SYTL2: variants seen among roughly 807,000 people sequenced by gnomAD.
The protein encoded by SYTL2 is synaptotagmin like 2.
Under a neutral mutation model 198.7 loss-of-function variants are expected in SYTL2, and 165 were observed. That is an observed-to-expected ratio of 0.83 (90% CI 0.73 to 0.94). The LOEUF (loss-of-function observed/expected upper bound fraction) is 0.94, where lower values mean the gene tolerates loss of function less well. Among genes scored for constraint, SYTL2 ranks in the 40% least tolerant of loss-of-function variants. SYTL2 has a pLI of 0.00. For missense variants in SYTL2, 2,835 were observed against 2,582.8 expected (o/e 1.10, Z -2.12); for synonymous variants, 966 against 917.7 (o/e 1.05, Z -0.95).
chr11:85,846,932 CT>C, the SYTL2 span, among the ~76,000 whole-genome samples: 3 of 152,042 alleles, frequency 2.0e-5, no homozygotes, highest in African/African-American at 7.2e-5. Flanking sequence ...TGGGGTGTCA[CT>C]ATGTTGGTCA....
At chr11:85,768,063 C>A (rs2092280890) in intron 1 of SYTL2, among the ~76,000 whole-genome samples, 1 of 152,176 alleles carries the variant, frequency 6.6e-6, no homozygotes, top group Non-Finnish European at 1.5e-5. Flanking sequence ...TACAAGTGAG[C>A]ATCAGCACTT....
chr11:85,780,896 T>C (rs758185235), intron 1 of SYTL2, among the ~76,000 whole-genome samples: 15 of 152,236 alleles, frequency 9.9e-5, no homozygotes, highest in Non-Finnish European at 2.1e-4. Context: ...TGAGATCTGA[T>C]GCTATCTTCA....
At chr11:85,839,835 T>G in the SYTL2 span, among the ~76,000 whole-genome samples, 1 of 152,170 alleles carries the variant, frequency 6.6e-6, no homozygotes, top group African/African-American at 2.4e-5. Context: ...GTAGCTCTAT[T>G]TTTAGCTTTT....
intron 10 of SYTL2, 85 bp from the exon 11 acceptor site, chr11:85,717,615 T>A (rs1316849377): frequency 2.7e-6 from 3 of 1,124,258 alleles, no homozygotes; most frequent in Non-Finnish European, 4.1e-6. Flanking sequence ...AATGTCAGTT[T>A]CACAACTGAG....
In SYTL2 at chr11:85,749,565, C is replaced by G. The variant is rs545177867; in HGVS notation, c.102-1142G>C. Among the ~76,000 whole-genome samples, 17 of 152,274 alleles carry G rather than the reference C, an allele frequency of 1.1e-4. No homozygotes were observed. The South Asian group carries it at 3.5e-3, about 32-fold the overall frequency. On this transcript the variant is annotated intron_variant, in intron 2 of 19. Coordinates refer to ENST00000359152, the MANE Select transcript of SYTL2 (RefSeq NM_206927.4). ...GAATGTCTCCTCTCTCCCAAGCGTG[C>G]CTGGAGAGTGTCCTTCCACCCAGAG...
intron 1 of SYTL2, among the ~76,000 whole-genome samples, chr11:85,775,852 A>T (rs1401731318): frequency 6.6e-6 from 1 of 152,230 alleles, no homozygotes; most frequent in Admixed American, 6.5e-5. Context: ...ACAGGTGTTA[A>T]GTGACAGAGC....
intron 1 of SYTL2, 124 bp downstream of exon 1, chr11:85,810,829 GA>G (rs1171225304): frequency 6.6e-6 from 1 of 152,228 alleles, no homozygotes; most frequent in African/African-American, 2.4e-5. Context: ...TTAGACTAAG[GA>G]ACAACATTCT....
chr11:85,727,884 G>A lies in SYTL2; in HGVS notation c.1474C>T (p.Pro492Ser), dbSNP rs1376158189. 1.5e-5 allele frequency: 24 copies of A among 1,613,812 alleles called. No homozygotes were observed. The highest frequency in any genetic ancestry group is 2.0e-5 in the Non-Finnish European group (24 of 1,179,896). The change falls in exon 8 of 20, where the codon CCT becomes TCT. Residue 492 changes from proline to serine, a missense_variant. Around this residue, in one of 3 missense-constraint regions of SYTL2, gnomAD observed 2,645 missense variants for 2,381.7 expected, o/e 1.11. Coordinates refer to ENST00000359152, the MANE Select transcript of SYTL2 (RefSeq NM_206927.4). ...SRDRQQGKPPPLPALKAKTSS... is the reference protein window; with the variant it reads ...SRDRQQGKPPSLPALKAKTSS... Reference sequence around the variant, plus strand: ...GTCTTAGCTTTTAGAGCCGGGAGAGGAGGGGGCTTACCTTGCTGACGGTCT... The same window carrying A: ...GTCTTAGCTTTTAGAGCCGGGAGAGAAGGGGGCTTACCTTGCTGACGGTCT...
At chr11:85,796,206 T>G (rs1373190060) in intron 1 of SYTL2, among the ~76,000 whole-genome samples, 1 of 152,192 alleles carries the variant, frequency 6.6e-6, no homozygotes, top group Non-Finnish European at 1.5e-5. Flanking sequence ...GGGCAAATAT[T>G]TAACTTCTCC....
At position 85,695,343 on chromosome 11, in the gene SYTL2, G is replaced by GA; in HGVS notation, c.6575-4dup. The GA allele has an allele frequency of 6.5e-7, 1 of 1,539,650 alleles. No individual in the cohort carries two copies. The highest frequency in any genetic ancestry group is 8.8e-7 in the Non-Finnish European group (1 of 1,140,520). ...CACTTCAGTCCCATAACTTTTACCT[G>GA]AAAAAAGGAAGCTTTGCATTTAGAA... is the stretch of plus-strand genomic sequence containing the variant. On this transcript the variant is annotated splice_region_variant and splice_polypyrimidine_tract_variant and intron_variant, in intron 19 of 19. Transcript: ENST00000359152.
chr11:85,784,313 C>T lies in SYTL2; in HGVS notation c.-389-26199G>A, dbSNP rs554387724. On this transcript the variant is annotated intron_variant, in intron 1 of 19. Coordinates refer to ENST00000359152, the MANE Select transcript of SYTL2 (RefSeq NM_206927.4). ...AGCTTTCTAGGCTATGAACCACTAA[C>T]GCCTCAAATTCCTTCTGCTGTATTC... Among the ~76,000 whole-genome samples the T allele has an allele frequency of 7.9e-5, 12 of 151,986 alleles. No individual in the cohort carries two copies. In the South Asian group the frequency reaches 1.0e-3, roughly 13 times the overall value.
the SYTL2 span, among the ~76,000 whole-genome samples, chr11:85,819,070 ACAGT>A: frequency 6.6e-6 from 1 of 152,168 alleles, no homozygotes; most frequent in East Asian, 1.9e-4. Context: ...GATTTTTAAG[ACAGT>A]CACTCTCTGA....
At chr11:85,705,167 G>T in intron 15 of SYTL2, 139 bp from the exon 16 acceptor site, 1 of 569,800 alleles carries the variant, frequency 1.8e-6, no homozygotes, top group Non-Finnish European at 3.0e-6. Context: ...ATATTGCAAA[G>T]TCATCTTATT....
intron 2 of SYTL2, among the ~76,000 whole-genome samples, chr11:85,749,687 C>G (rs1321355685): frequency 6.6e-6 from 1 of 152,164 alleles, no homozygotes; most frequent in East Asian, 1.9e-4. Context: ...CAGTCAGCAA[C>G]GATATCATGG....
intron 2 of SYTL2, among the ~76,000 whole-genome samples, chr11:85,755,352 T>C (rs1281376763): frequency 5.3e-5 from 8 of 152,196 alleles, no homozygotes; most frequent in African/African-American, 1.9e-4. Flanking sequence ...ATGAGGTACA[T>C]GGTGCCTAAC....
At chr11:85,695,371 A>C in intron 19 of SYTL2, 31 bp from the exon 20 acceptor site, 1 of 1,532,712 alleles carries the variant, frequency 6.5e-7, no homozygotes, top group South Asian at 1.3e-5. Context: ...ATTTAGAAAG[A>C]AACAGCTCAT....
chr11:85,828,984 G>A, the SYTL2 span, among the ~76,000 whole-genome samples: 38 of 151,924 alleles, frequency 2.5e-4, no homozygotes, highest in Admixed American at 4.6e-4. Flanking sequence ...AGTGGTGCTT[G>A]GGAAGCCACC....
At chr11:85,836,141 C>T in the SYTL2 span, among the ~76,000 whole-genome samples, 1 of 152,182 alleles carries the variant, frequency 6.6e-6, no homozygotes, top group Non-Finnish European at 1.5e-5. Context: ...CCCTGCACCT[C>T]ACTTATCTTC....
At chr11:85,759,827 A>T (rs1191982458) in intron 1 of SYTL2, among the ~76,000 whole-genome samples, 1 of 152,284 alleles carries the variant, frequency 6.6e-6, no homozygotes, top group East Asian at 1.9e-4. Flanking sequence ...GTTCATCTTG[A>T]AAACTACTTA....
Sources: allele counts gnomAD v4.1 joint callset (sites outside exome capture counted in the v4.1 genomes callset), GRCh38; gene constraint gnomAD v4.1.1; regional missense constraint gnomAD v4.1.1; transcripts MANE v1.5; gene names NCBI Gene and HGNC (gene_info 2026-07-23, HGNC 2026-07-21).